BANP: variants seen among roughly 807,000 people sequenced by gnomAD.
BANP encodes protein BANP.
BANP carries 11 observed loss-of-function variants against 68.1 expected under a neutral mutation model. The ratio of observed to expected loss-of-function variants is 0.16; its 90% CI spans 0.10 to 0.27. The LOEUF (loss-of-function observed/expected upper bound fraction) is 0.27. Among genes scored for constraint, BANP ranks in the 10% least tolerant of loss-of-function variants. The pLI is 1.00. For missense variants in BANP, 504 were observed against 722.7 expected (o/e 0.70, Z 3.47); for synonymous variants, 329 against 303.2 (o/e 1.09, Z -0.88).
chr16:88,018,471 C>T lies in BANP; in HGVS notation c.699C>T (p.Pro233=), dbSNP rs76505268. 5.8e-5 allele frequency: 94 copies of T among 1,613,186 alleles called. No individual in the cohort carries two copies. Among genetic ancestry groups the T allele is most frequent in the Non-Finnish European group, 7.5e-5 (89 of 1,179,930 alleles). The stretch of plus-strand genomic sequence containing the variant: ...CCTGGCTGGGCGACGAGAACAACCC[C>T]GAGATGCGGGTACGCTGCGCCATCA... ...NGTWLGDENN[P]EMRVRCAIIP... The change falls in exon 7 of 14, where the codon CCC becomes CCT. Residue 233 remains proline (P), a synonymous_variant. Coordinates refer to ENST00000682872, the MANE Select transcript of BANP (RefSeq NM_001386991.1). The surrounding 1 kb of genome is among the most constrained non-coding windows in gnomAD (Gnocchi z 7.7).
chr16:88,075,091 A>AC (rs2091301111), intron 13 of BANP, among the ~76,000 whole-genome samples: 1 of 152,140 alleles, frequency 6.6e-6, no homozygotes. Flanking sequence ...CACGCCTGTA[A>AC]TCCCAGCATT....
At chr16:88,038,293 C>T (rs559457962) in intron 11 of BANP, among the ~76,000 whole-genome samples, 7 of 152,076 alleles carry the variant, frequency 4.6e-5, no homozygotes, top group Admixed American at 1.3e-4. Flanking sequence ...TGGGGGCTCT[C>T]GCGGGAGGGA....
Position 87,975,178 on chromosome 16 carries a change from C to A in BANP, c.63C>A (p.Asp21Glu). 6.2e-7 allele frequency: 1 copy of A among 1,614,038 alleles called. No homozygotes were observed. Among genetic ancestry groups the A allele is most frequent in the Non-Finnish European group, 8.5e-7 (1 of 1,179,926 alleles). The change falls in exon 2 of 14, where the codon GAC becomes GAA. Residue 21 changes from aspartate (D) to glutamate (E), a missense_variant. Transcript: ENST00000682872. Reference protein sequence around the residue: ...VQIAVEDLSPDHPVVLENHVV... With the variant: ...VQIAVEDLSPEHPVVLENHVV... ...TTGCAGTGGAAGACCTGAGCCCTGACCACCCAGGTACAGAGCTGTGGGACA... is the reference window on the plus strand; with the variant it reads ...TTGCAGTGGAAGACCTGAGCCCTGAACACCCAGGTACAGAGCTGTGGGACA...
chr16:87,967,402 T>C (rs12599962), intron 1 of BANP, among the ~76,000 whole-genome samples: 96,589 of 150,992 alleles, frequency 0.64, 31,181 homozygotes, highest in African/African-American at 0.68. Context: ...GCCACCACAC[T>C]CGGCCGTCAA....
chr16:88,053,348 C>G (rs1468016259), intron 11 of BANP, among the ~76,000 whole-genome samples: 1 of 151,808 alleles, frequency 6.6e-6, no homozygotes, highest in Non-Finnish European at 1.5e-5. Context: ...ATCACCAACA[C>G]AACCACCCTA....
At chr16:88,027,779 C>T (rs2077284663) in intron 8 of BANP, 129 bp downstream of exon 8, 2 of 1,143,072 alleles carry the variant, frequency 1.7e-6, no homozygotes, top group South Asian at 1.4e-5. Flanking sequence ...CAGAGGCTTG[C>T]GCGGTGCGCA....
intron 11 of BANP, among the ~76,000 whole-genome samples, chr16:88,046,131 T>C (rs774373774): frequency 1.9e-4 from 29 of 152,240 alleles, no homozygotes; most frequent in Non-Finnish European, 3.4e-4. Context: ...CCTGTGCACA[T>C]ACGAGGAGTA....
At chr16:88,044,351 C>T (rs1183227882) in intron 11 of BANP, among the ~76,000 whole-genome samples, 1 of 152,252 alleles carries the variant, frequency 6.6e-6, no homozygotes, top group Non-Finnish European at 1.5e-5. Context: ...AGCGAGAAGG[C>T]AGCTTTCCAC....
chr16:88,038,355 C>G (rs918612947), intron 11 of BANP, among the ~76,000 whole-genome samples: 1 of 152,096 alleles, frequency 6.6e-6, no homozygotes, highest in Non-Finnish European at 1.5e-5. Flanking sequence ...ACTGGCTTTC[C>G]TCACCATGAC....
In BANP at chr16:88,065,421, A is replaced by G. The variant is rs1035233168; in HGVS notation, c.1377+89A>G. ...AGACCCCCGCGATGACACTGGGCCC[A>G]CCTGGCCATCCAGGGTCATCTCACC... On this transcript the variant is annotated intron_variant, in intron 12 of 13. Transcript: ENST00000682872. 41 of 650,158 alleles carry G rather than the reference A, an allele frequency of 6.3e-5. 1 individual carries two copies. The South Asian group carries it at 7.0e-4, about 11-fold the overall frequency. 40.3% of individuals were successfully genotyped at this position (650,158 alleles called of 1,614,324 possible). A position where few individuals can be genotyped will look rare whatever the true frequency, so the allele number is the denominator to read the frequency against.
At chr16:88,072,841 C>T (rs571041339) in intron 13 of BANP, among the ~76,000 whole-genome samples, 7 of 152,330 alleles carry the variant, frequency 4.6e-5, no homozygotes, top group African/African-American at 1.7e-4. Flanking sequence ...GCAGTCTTGG[C>T]CCCGCAGCCT....
intron 4 of BANP, among the ~76,000 whole-genome samples, chr16:87,996,224 C>T (rs1268025692): frequency 2.6e-5 from 4 of 152,200 alleles, no homozygotes; most frequent in African/African-American, 4.8e-5. Context: ...CCACATTTGA[C>T]AGCTTTCATG....
At chr16:88,011,750 C>T (rs1440534454) in intron 6 of BANP, among the ~76,000 whole-genome samples, 5 of 152,144 alleles carry the variant, frequency 3.3e-5, no homozygotes, top group African/African-American at 7.2e-5. Flanking sequence ...AGGAGCCCAC[C>T]GGGTTTTCAA....
intron 11 of BANP, among the ~76,000 whole-genome samples, chr16:88,046,362 C>G (rs936855018): frequency 6.6e-6 from 1 of 152,146 alleles, no homozygotes; most frequent in African/African-American, 2.4e-5. Context: ...GTCATCTGAA[C>G]CTCATCGCTG....
intron 5 of BANP, among the ~76,000 whole-genome samples, 180 bp from the exon 6 acceptor site, chr16:88,005,910 G>A (rs1476090063): frequency 1.3e-5 from 2 of 152,138 alleles, no homozygotes; most frequent in East Asian, 3.8e-4. Flanking sequence ...GTTTCTTTCA[G>A]CCCCAGGCCA....
rs1274233383 is a variant in BANP at position 87,957,556 on chromosome 16, C to G, written c.-69+6041C>G. On this transcript the variant is annotated intron_variant, in intron 1 of 13. Transcript: ENST00000682872. The surrounding 1 kb of genome is among the most constrained non-coding windows in gnomAD (Gnocchi z 4.3). ...GGGCCCTGCGCTGACAAACCTTTCG[C>G]TAGTGACCAGTTACCTTCTGTGTCT... Among the ~76,000 whole-genome samples the G allele has an allele frequency of 6.6e-6, 1 of 152,236 alleles. No individual in the cohort carries two copies. The highest frequency in any genetic ancestry group is 2.4e-5 in the African/African-American group (1 of 41,454).
chr16:88,034,408 C>T (rs954284770), intron 9 of BANP, among the ~76,000 whole-genome samples: 6 of 152,116 alleles, frequency 3.9e-5, no homozygotes, highest in Non-Finnish European at 8.8e-5. Flanking sequence ...AAGGAGTATT[C>T]GTTTCATTTA....
chr16:88,009,610 C>A (rs2072399054), intron 6 of BANP, among the ~76,000 whole-genome samples: 2 of 152,206 alleles, frequency 1.3e-5, no homozygotes, highest in Admixed American at 6.5e-5. Flanking sequence ...CTATTGAAAG[C>A]AGGGAACAGT....
rs554475486 is a variant in BANP, at chr16:87,971,991, G to A, written c.-68-3057G>A. Among the ~76,000 whole-genome samples, 14 of 152,108 alleles carry A rather than the reference G, an allele frequency of 9.2e-5. No individual in the cohort carries two copies. The South Asian group carries it at 2.1e-3, about 23-fold the overall frequency. On this transcript the variant is annotated intron_variant, in intron 1 of 13. Transcript: ENST00000682872. ...AAATATTTTATGGAGTCGGGGTCTC[G>A]GTACATGCCCAGGCTGCTCTTGAGC...
Sources: gnomAD v4.1 joint callset for allele counts (sites outside exome capture counted in the v4.1 genomes callset) on GRCh38, gnomAD v4.1.1 for gene constraint, Gnocchi (gnomAD v3.1) non-coding constraint, MANE v1.5 for transcripts, NCBI Gene and HGNC (gene_info 2026-07-23, HGNC 2026-07-21) for gene names.